TPH1: variants seen among roughly 807,000 people sequenced by gnomAD.
TPH1 encodes tryptophan hydroxylase 1, also known as tryptophan 5-hydroxylase 1.
Under a neutral mutation model 49.5 loss-of-function variants are expected in TPH1, and 37 were observed. The observed-to-expected ratio is 0.75, with a 90% CI of 0.58 to 0.98. TPH1 has a LOEUF of 0.98. Among genes scored for constraint, TPH1 ranks in the 50% least tolerant of loss-of-function variants. The probability of loss-of-function intolerance (pLI) is 0.00; values close to 1 mark genes in which losing one functional copy is unlikely to be tolerated. For missense variants in TPH1, 487 were observed against 523.6 expected (o/e 0.93, Z 0.68); for synonymous variants, 160 against 182.1 (o/e 0.88, Z 0.98).
chr11:18,037,180 A>G (rs1189492548), intron 2 of TPH1, among the ~76,000 whole-genome samples: 1 of 151,966 alleles, frequency 6.6e-6, no homozygotes, highest in African/African-American at 2.4e-5. Flanking sequence ...ACCACATAGC[A>G]AGACCCTGTC....
intron 10 of TPH1, among the ~76,000 whole-genome samples, chr11:18,022,299 T>C (rs1462741436): frequency 6.6e-6 from 1 of 152,220 alleles, no homozygotes; most frequent in Non-Finnish European, 1.5e-5. Context: ...ATTGTACATA[T>C]CTCCTATATT....
chr11:18,034,394 A>C (rs1230829014), intron 3 of TPH1, among the ~76,000 whole-genome samples: 3 of 152,218 alleles, frequency 2.0e-5, no homozygotes, highest in African/African-American at 7.2e-5. Context: ...GGGATTTAAC[A>C]ACAAATACAA....
rs57335932 is a variant in TPH1, at chr11:18,026,393, C to CAAAAAAAAAAAAAAAA, written c.803+81_803+96dup. Reference sequence around the variant, plus strand: ...GCTAATTTATTTAATCCTCGCACACCAAAAAAAAAAAAAAAAAAAAAAAAG... The same window carrying CAAAAAAAAAAAAAAAA: ...GCTAATTTATTTAATCCTCGCACACCAAAAAAAAAAAAAAAAAAAAAAAAAAAAAAAAAAAAAAAAG... On this transcript the variant is annotated intron_variant, in intron 7 of 10. Coordinates refer to ENST00000682019, the MANE Select transcript of TPH1 (RefSeq NM_004179.3). 5 of 588,762 alleles carry CAAAAAAAAAAAAAAAA rather than the reference C, an allele frequency of 8.5e-6. 1 individual carries two copies. Among genetic ancestry groups the CAAAAAAAAAAAAAAAA allele is most frequent in the Non-Finnish European group, 1.3e-5 (5 of 374,702 alleles). The allele number at this position is 588,762 out of a possible 1,614,324, so 36.5% of individuals were successfully genotyped here.
At chr11:18,030,581 G>C (rs1847977664) in intron 4 of TPH1, among the ~76,000 whole-genome samples, 2 of 152,078 alleles carry the variant, frequency 1.3e-5, no homozygotes, top group Admixed American at 1.3e-4. Context: ...TGGAAAAACA[G>C]ATATGAACAA....
intron 6 of TPH1, 84 bp downstream of exon 6, chr11:18,029,081 C>CAAAAA (rs368358256): frequency 0.021 from 11,012 of 533,208 alleles, 120 homozygotes; most frequent in African/African-American, 0.057. Context: ...GACTCTGTCT[C>CAAAAA]AAAAAAAAAA....
intron 10 of TPH1, 125 bp from the exon 11 acceptor site, chr11:18,021,290 C>A (rs1387421771): frequency 7.8e-6 from 7 of 896,408 alleles, no homozygotes; most frequent in South Asian, 2.8e-5. Context: ...TGTGTACAAC[C>A]AATCTGACCT....
intron 4 of TPH1, among the ~76,000 whole-genome samples, chr11:18,031,933 T>C (rs573841902): frequency 6.6e-6 from 1 of 152,330 alleles, no homozygotes; most frequent in South Asian, 2.1e-4. Flanking sequence ...TTTTACATTT[T>C]ATCTTGTGTG....
chr11:18,030,919 T>C (rs1358482696), intron 4 of TPH1, among the ~76,000 whole-genome samples: 3 of 152,226 alleles, frequency 2.0e-5, no homozygotes, highest in Non-Finnish European at 2.9e-5. Flanking sequence ...ATTAAGGAGC[T>C]TGGAGTTTAG....
At chr11:18,031,970 C>A (rs1467779013) in intron 4 of TPH1, among the ~76,000 whole-genome samples, 1 of 152,008 alleles carries the variant, frequency 6.6e-6, no homozygotes, top group African/African-American at 2.4e-5. Context: ...TGTGCTTTAG[C>A]TTTTCAACTA....
At chr11:18,042,504 T>G in intron 1 of TPH1, 1 of 345,328 alleles carries the variant, frequency 2.9e-6, no homozygotes, top group South Asian at 2.3e-5. Flanking sequence ...TTTCTGCAAA[T>G]CCATCTAGGC....
At position 18,029,518 on chromosome 11, in the gene TPH1, T is replaced by C. The variant is rs1847963264; in HGVS notation, c.464A>G (p.Tyr155Cys). ...TTTTTTTAAATATACTTACTGTTTA[T>C]AGTTCATAGCCAAGTCCGCAAAATA... The part of the protein sequence containing the change: ...RKYFADLAMN[Y>C]KHGDPIPKVE... Residue 155 changes from tyrosine (Y) to cysteine (C), a missense_variant, in exon 5 of 11, where the codon TAT becomes TGT. Tyr to Cys is a radical substitution (Grantham distance 194). Coordinates refer to ENST00000682019, the MANE Select transcript of TPH1 (RefSeq NM_004179.3). 4 of 1,610,654 alleles carry C rather than the reference T, an allele frequency of 2.5e-6. No individual in the cohort carries two copies. The highest frequency in any genetic ancestry group is 3.3e-5 in the Admixed American group (2 of 59,982).
At chr11:18,027,608 T>C (rs903815547) in intron 6 of TPH1, among the ~76,000 whole-genome samples, 2 of 152,224 alleles carry the variant, frequency 1.3e-5, no homozygotes, top group Admixed American at 6.5e-5. Flanking sequence ...GTATTTGACC[T>C]TGAAGCATTT....
intron 2 of TPH1, among the ~76,000 whole-genome samples, chr11:18,037,449 G>T (rs1848057917): frequency 6.6e-6 from 1 of 152,042 alleles, no homozygotes; most frequent in Non-Finnish European, 1.5e-5. Context: ...AATAGGCAGG[G>T]TTTATCTGGG....
chr11:18,019,954 C>G lies in TPH1; in HGVS notation c.*1037G>C. 1 of 349,126 alleles carries G rather than the reference C, an allele frequency of 2.9e-6. No homozygotes were observed. The highest frequency in any genetic ancestry group is 3.9e-5 in the Admixed American group (1 of 25,488). The allele number at this position is 349,126 out of a possible 1,614,324, so 21.6% of individuals were successfully genotyped here. A position where few individuals can be genotyped will look rare whatever the true frequency, so the allele number is the denominator to read the frequency against. On this transcript the variant is annotated 3_prime_UTR_variant, in exon 11 of 11. Transcript: ENST00000682019. ...TATTTCCTCCCCTTTTCTGCAGCCTCTACTCTCATTGCATACCTTTCTGTT... is the reference window on the plus strand; with the variant it reads ...TATTTCCTCCCCTTTTCTGCAGCCTGTACTCTCATTGCATACCTTTCTGTT...
At chr11:18,039,527 T>C (rs1039864335) in intron 2 of TPH1, among the ~76,000 whole-genome samples, 5 of 152,240 alleles carry the variant, frequency 3.3e-5, no homozygotes, top group African/African-American at 1.2e-4. Flanking sequence ...TTATAATTTT[T>C]AGTTCCTATA....
chr11:18,026,753 G>T, intron 6 of TPH1, 128 bp from the exon 7 acceptor site: 2 of 1,132,294 alleles, frequency 1.8e-6, no homozygotes, highest in Non-Finnish European at 2.6e-6. Flanking sequence ...TTTATCATAT[G>T]CATATTAAGG....
intron 10 of TPH1, among the ~76,000 whole-genome samples, chr11:18,021,720 T>C (rs1317487246): frequency 1.3e-5 from 2 of 152,128 alleles, no homozygotes; most frequent in Non-Finnish European, 2.9e-5. Flanking sequence ...GCTTAGAATG[T>C]TTCCCTCTAG....
At chr11:18,032,615 G>A (rs981549236) in intron 4 of TPH1, among the ~76,000 whole-genome samples, 6 of 137,628 alleles carry the variant, frequency 4.4e-5, no homozygotes, top group Admixed American at 2.5e-4. Flanking sequence ...GTGTGATCTC[G>A]GCTCACTGCA....
rs771215453 is a variant in TPH1, at chr11:18,029,333, T to G, written c.499A>C (p.Thr167Pro). Residue 167 changes from threonine (T) to proline (P), a missense_variant, in exon 6 of 11, where the codon ACT becomes CCT. Thr to Pro is a conservative substitution (Grantham distance 38, BLOSUM62 -1). Coordinates refer to ENST00000682019, the MANE Select transcript of TPH1 (RefSeq NM_004179.3). Reference protein sequence around the residue: ...HGDPIPKVEFTEEEIKTWGTV... With the variant: ...HGDPIPKVEFPEEEIKTWGTV... ...CCCCAGGTCTTAATCTCCTCTTCAG[T>G]GAATTCAACCTTTGGAATGGGGTCT... 6.2e-7 allele frequency: 1 copy of G among 1,614,102 alleles called. No individual in the cohort carries two copies. The highest frequency in any genetic ancestry group is 8.5e-7 in the Non-Finnish European group (1 of 1,179,988).
Sources: gnomAD v4.1 joint callset for allele counts (sites outside exome capture counted in the v4.1 genomes callset) on GRCh38, gnomAD v4.1.1 for gene constraint, MANE v1.5 for transcripts, NCBI Gene and HGNC (gene_info 2026-07-23, HGNC 2026-07-21) for gene names.